SCFD2: variants seen among roughly 807,000 people sequenced by gnomAD.
The protein encoded by SCFD2 is sec1 family domain containing 2.
A neutral mutation model predicts 58.9 loss-of-function variants in SCFD2; 54 were observed. That is an observed-to-expected ratio of 0.92 (90% CI 0.74 to 1.15). The LOEUF is 1.15. Among genes scored for constraint, SCFD2 ranks in the 50% most tolerant of loss-of-function variants. The pLI is 0.00. For synonymous variants in SCFD2, 321 were observed against 335.9 expected (o/e 0.96, Z 0.49); for missense variants, 805 against 836.6 (o/e 0.96, Z 0.47).
intron 3 of SCFD2, among the ~76,000 whole-genome samples, chr4:53,276,018 T>TTGTGTGTG (rs146091115): frequency 9.4e-5 from 14 of 148,428 alleles, no homozygotes; most frequent in African/African-American, 3.2e-4. Flanking sequence ...GTACAGGTCT[T>TTGTGTGTG]TGTGTGTGTG....
In SCFD2 at chr4:53,318,071, T is replaced by C. The variant is rs571613497; in HGVS notation, c.1008-4308A>G. The stretch of plus-strand genomic sequence containing the variant: ...CTGTCAGCGACTTCATTTTCTAATA[T>C]GAAAAGGTCAACAATAGATAATGTA... On this transcript the variant is annotated intron_variant, in intron 2 of 8. Transcript: ENST00000401642. Among the ~76,000 whole-genome samples the C allele has an allele frequency of 2.6e-5, 4 of 152,326 alleles. No homozygotes were observed. The South Asian group carries it at 8.3e-4, about 32-fold the overall frequency.
At position 53,259,166 on chromosome 4, in the gene SCFD2, G is replaced by A. The variant is rs1046251639; in HGVS notation, c.1311+14660C>T. 1.0e-3 allele frequency among the ~76,000 whole-genome samples: 154 copies of A among 152,244 alleles called. 1 individual carries two copies. The highest frequency in any genetic ancestry group is 3.5e-3 in the African/African-American group (146 of 41,538). On this transcript the variant is annotated intron_variant, in intron 4 of 8. Coordinates refer to ENST00000401642, the MANE Select transcript of SCFD2 (RefSeq NM_152540.4). ...TGTAAAGATTTTCTCCCACTCTGTG[G>A]GTTGTCTATTAACCCTGCTGATTAT...
At chr4:52,991,743 G>A (rs1371988009) in intron 5 of SCFD2, among the ~76,000 whole-genome samples, 1 of 152,038 alleles carries the variant, frequency 6.6e-6, no homozygotes, top group African/African-American at 2.4e-5. Context: ...GAAACTGGGG[G>A]TGTAGCTGTA....
At chr4:53,224,728 G>T (rs951827604) in intron 4 of SCFD2, among the ~76,000 whole-genome samples, 4 of 152,038 alleles carry the variant, frequency 2.6e-5, no homozygotes, top group African/African-American at 7.3e-5. Context: ...AAGCCACTAA[G>T]TTTTGGGGTA....
chr4:53,168,412 C>T (rs1577796828), intron 4 of SCFD2, among the ~76,000 whole-genome samples: 1 of 152,132 alleles, frequency 6.6e-6, no homozygotes, highest in Non-Finnish European at 1.5e-5. Context: ...GAGCTCACAA[C>T]TCAAACCCAT....
At chr4:53,129,505 C>T (rs1327425382) in intron 5 of SCFD2, among the ~76,000 whole-genome samples, 2 of 152,182 alleles carry the variant, frequency 1.3e-5, no homozygotes, top group African/African-American at 2.4e-5. Flanking sequence ...AAATGTTAAT[C>T]TTCCATTCTC....
At chr4:52,954,835 T>A (rs1720673728) in intron 5 of SCFD2, among the ~76,000 whole-genome samples, 1 of 152,214 alleles carries the variant, frequency 6.6e-6, no homozygotes, top group African/African-American at 2.4e-5. Context: ...GGAGGGATTC[T>A]TCCAGGCCAT....
chr4:53,046,862 G>A (rs146506981), intron 5 of SCFD2, among the ~76,000 whole-genome samples: 1 of 152,178 alleles, frequency 6.6e-6, no homozygotes, highest in East Asian at 1.9e-4. Context: ...AGTAGAGACG[G>A]GGTTTTGCCA....
chr4:53,265,622 CAGTT>C (rs1730961869), intron 4 of SCFD2: 1 of 152,068 alleles, frequency 6.6e-6, no homozygotes, highest in Non-Finnish European at 1.5e-5. Flanking sequence ...ACAAAAAGGT[CAGTT>C]GTTTCATTCT....
intron 4 of SCFD2, among the ~76,000 whole-genome samples, chr4:53,168,299 G>C (rs1297910138): frequency 6.6e-6 from 1 of 152,160 alleles, no homozygotes; most frequent in Non-Finnish European, 1.5e-5. Flanking sequence ...AGTGTCCCTA[G>C]TGACCCCTTA....
rs190335699 is a variant in SCFD2 at position 53,243,091 on chromosome 4, G to T, written c.1311+30735C>A. 2.2e-3 allele frequency among the ~76,000 whole-genome samples: 341 copies of T among 152,264 alleles called. 5 individuals are homozygous for T. Among genetic ancestry groups the T allele is most frequent in the Middle Eastern group, 3.4e-3 (1 of 292 alleles). The stretch of plus-strand genomic sequence containing the variant: ...CCTCCATGAGAACTTCCCCAACCTT[G>T]CTAGAGAGGCCAACATTCAAATTCA... On this transcript the variant is annotated intron_variant, in intron 4 of 8. Transcript: ENST00000401642.
intron 5 of SCFD2, among the ~76,000 whole-genome samples, chr4:53,054,783 A>AG (rs1159438684): frequency 6.6e-6 from 1 of 152,068 alleles, no homozygotes; most frequent in African/African-American, 2.4e-5. Context: ...CCTACCCAGT[A>AG]GCTGGGACTT....
At chr4:53,046,260 A>G (rs1723036017) in intron 5 of SCFD2, among the ~76,000 whole-genome samples, 1 of 152,168 alleles carries the variant, frequency 6.6e-6, no homozygotes, top group Non-Finnish European at 1.5e-5. Flanking sequence ...TCATTCTGTC[A>G]CTCAGGCTAC....
intron 6 of SCFD2, among the ~76,000 whole-genome samples, chr4:52,911,232 G>A (rs1488053313): frequency 6.6e-6 from 1 of 152,206 alleles, no homozygotes; most frequent in Non-Finnish European, 1.5e-5. Flanking sequence ...TTGTTCTCAG[G>A]GGTCCTGTGA....
chr4:53,086,942 T>C (rs1050692156), intron 5 of SCFD2, among the ~76,000 whole-genome samples: 2 of 151,884 alleles, frequency 1.3e-5, no homozygotes, highest in Admixed American at 1.3e-4. Flanking sequence ...AAAAAGATAG[T>C]TGGAAAGAAG....
chr4:53,093,621 C>A (rs1174145899), intron 5 of SCFD2, among the ~76,000 whole-genome samples: 2 of 152,096 alleles, frequency 1.3e-5, no homozygotes, highest in African/African-American at 4.8e-5. Flanking sequence ...ACCCATACAA[C>A]AGAATACCAC....
intron 5 of SCFD2, among the ~76,000 whole-genome samples, chr4:53,129,864 A>T (rs1297127340): frequency 2.0e-5 from 3 of 152,160 alleles, no homozygotes; most frequent in Admixed American, 1.3e-4. Context: ...ACACATGCAA[A>T]ACAAAACCCC....
chr4:52,985,704 T>C (rs953320845), intron 5 of SCFD2, among the ~76,000 whole-genome samples: 6 of 87,438 alleles, frequency 6.9e-5, no homozygotes, highest in Non-Finnish European at 1.8e-4. Context: ...ATCAAATGTT[T>C]ATGATTTTAG....
At chr4:53,111,752 C>T (rs1242668162) in intron 5 of SCFD2, among the ~76,000 whole-genome samples, 1 of 152,094 alleles carries the variant, frequency 6.6e-6, no homozygotes, top group Non-Finnish European at 1.5e-5. Context: ...AATTTTATTA[C>T]TAACTATATT....
Sources: gnomAD v4.1 joint callset for allele counts (sites outside exome capture counted in the v4.1 genomes callset) on GRCh38, gnomAD v4.1.1 for gene constraint, MANE v1.5 for transcripts, NCBI Gene and HGNC (gene_info 2026-07-23, HGNC 2026-07-21) for gene names.